TCF20: variants seen among roughly 807,000 people sequenced by gnomAD.
The protein encoded by TCF20 is transcription factor 20.
TCF20 carries 3 observed loss-of-function variants against 148.6 expected under a neutral mutation model. That is an observed-to-expected ratio of 0.02 (90% CI 0.01 to 0.05). The LOEUF (loss-of-function observed/expected upper bound fraction) is 0.05. TCF20 is among the 10% of genes least tolerant of loss of function. The pLI, the probability that TCF20 is intolerant of heterozygous loss-of-function variation, is 1.00. For missense variants in TCF20, 2,350 were observed against 2,429.3 expected, an observed-to-expected ratio of 0.97 and a Z score of 0.69; for synonymous variants, 1,049 against 909.5, an observed-to-expected ratio of 1.15 and a Z score of -2.76.
At chr22:42,174,454 C>T (rs1936317065) in intron 3 of TCF20, among the ~76,000 whole-genome samples, 1 of 152,286 alleles carries the variant, frequency 6.6e-6, no homozygotes, top group Admixed American at 6.5e-5. Flanking sequence ...GTGGCACCGG[C>T]CTGTCAGCAC....
Position 42,212,779 on chromosome 22 carries a change from T to C in TCF20, c.2527A>G (p.Arg843Gly). The part of the protein sequence containing the change: ...QINLTDYPIP[R>G]KFEIEPQSSA... ...GACTGAGGCTCTATTTCAAACTTTC[T>C]GGGAATTGGATAGTCAGTCAAATTG... is the stretch of plus-strand genomic sequence containing the variant. Residue 843 changes from arginine (R) to glycine (G), a missense_variant, in exon 2 of 6, where the codon AGA (arginine) becomes GGA (glycine). Arg to Gly is a moderately radical substitution (Grantham distance 125). Coordinates refer to ENST00000677622, the MANE Select transcript of TCF20 (RefSeq NM_001378418.1). The C allele has an allele frequency of 1.2e-6, 2 of 1,614,222 alleles. No individual in the cohort carries two copies. Among genetic ancestry groups the C allele is most frequent in the Non-Finnish European group, 8.5e-7 (1 of 1,180,028 alleles).
intron 3 of TCF20, among the ~76,000 whole-genome samples, chr22:42,174,847 A>G (rs547451301): frequency 3.9e-5 from 6 of 152,086 alleles, no homozygotes; most frequent in South Asian, 2.1e-4. Context: ...CATCCCGGCT[A>G]ACACGGTGAA....
At chr22:42,268,827 G>A (rs900436611) in intron 1 of TCF20, among the ~76,000 whole-genome samples, 2 of 152,204 alleles carry the variant, frequency 1.3e-5, no homozygotes, top group Admixed American at 6.5e-5. Context: ...TCAAAAAAGA[G>A]CGTACCCTGA....
chr22:42,281,681 G>T (rs1028891801), intron 1 of TCF20, among the ~76,000 whole-genome samples: 12 of 152,260 alleles, frequency 7.9e-5, no homozygotes, highest in African/African-American at 2.9e-4. Flanking sequence ...TCAGGGAAAA[G>T]ATTTCTGTGG....
upstream of TCF20, among the ~76,000 whole-genome samples, chr22:42,273,472 A>G (rs1926698311): frequency 6.6e-6 from 1 of 151,932 alleles, no homozygotes; most frequent in South Asian, 2.1e-4. Flanking sequence ...CTGAGGCTCA[A>G]ACAGGTTAAG....
intron 2 of TCF20, among the ~76,000 whole-genome samples, chr22:42,181,194 C>CTTTTTTTTTTTT (rs909516479): frequency 6.6e-6 from 1 of 152,102 alleles, no homozygotes; most frequent in African/African-American, 2.4e-5. Flanking sequence ...CTGCCACTTT[C>CTTTTTTTTTTTT]TTTTTTTGAG....
At chr22:42,201,094 C>T (rs1361617483) in intron 2 of TCF20, among the ~76,000 whole-genome samples, 2 of 152,148 alleles carry the variant, frequency 1.3e-5, no homozygotes, top group African/African-American at 2.4e-5. Context: ...TGCAACACCT[C>T]GCACCTCACT....
intron 2 of TCF20, among the ~76,000 whole-genome samples, chr22:42,181,820 C>A (rs1936790275): frequency 6.6e-6 from 1 of 152,128 alleles, no homozygotes; most frequent in Non-Finnish European, 1.5e-5. Context: ...CTATGTTGCC[C>A]AGGCTGTCCT....
intron 1 of TCF20, among the ~76,000 whole-genome samples, chr22:42,253,642 A>C (rs1054583370): frequency 4.6e-5 from 7 of 152,232 alleles, no homozygotes; most frequent in Non-Finnish European, 1.0e-4. Context: ...TGATTTTGAA[A>C]GCAAGTTGAT....
intron 1 of TCF20, among the ~76,000 whole-genome samples, chr22:42,282,641 GCCC>G (rs1252417193): frequency 6.6e-6 from 1 of 152,250 alleles, no homozygotes; most frequent in Non-Finnish European, 1.5e-5. Flanking sequence ...ACCTCAGGCT[GCCC>G]AGGCTAAGAG....
intron 1 of TCF20, among the ~76,000 whole-genome samples, chr22:42,315,859 A>C (rs900925479): frequency 5.3e-5 from 8 of 152,198 alleles, no homozygotes; most frequent in African/African-American, 1.9e-4. Flanking sequence ...CACGCCTGTA[A>C]TCCCAGCACT....
At chr22:42,218,498 C>T (rs1240464554) in intron 1 of TCF20, among the ~76,000 whole-genome samples, 1 of 152,046 alleles carries the variant, frequency 6.6e-6, no homozygotes, top group African/African-American at 2.4e-5. Context: ...TGCCAGTGGC[C>T]TTCTCTAGAT....
intron 2 of TCF20, among the ~76,000 whole-genome samples, chr22:42,205,571 C>A (rs1938329397): frequency 6.6e-6 from 1 of 152,138 alleles, no homozygotes; most frequent in Non-Finnish European, 1.5e-5. Flanking sequence ...CTGCTAAAAC[C>A]TAGTAAGATA....
intron 5 of TCF20, 50 bp from the exon 6 acceptor site, chr22:42,161,408 A>G: frequency 6.2e-7 from 1 of 1,613,174 alleles, no homozygotes; most frequent in Non-Finnish European, 8.5e-7. Flanking sequence ...CACAGGGTCC[A>G]CCACCAACAG....
intron 5 of TCF20, among the ~76,000 whole-genome samples, chr22:42,165,161 C>T (rs549189110): frequency 1.3e-5 from 2 of 152,320 alleles, no homozygotes; most frequent in East Asian, 1.9e-4. Flanking sequence ...GGAGGTGTAA[C>T]CCTGGACTGC....
At chr22:42,236,144 C>T (rs1923863239) in intron 1 of TCF20, among the ~76,000 whole-genome samples, 1 of 152,140 alleles carries the variant, frequency 6.6e-6, no homozygotes, top group African/African-American at 2.4e-5. Flanking sequence ...CCACTGCACA[C>T]TCCAGCCTGG....
At chr22:42,168,767 C>G in intron 4 of TCF20, 31 bp from the exon 5 acceptor site, 1 of 1,591,394 alleles carries the variant, frequency 6.3e-7, no homozygotes, top group Non-Finnish European at 8.6e-7. Flanking sequence ...AGGAGACAGA[C>G]AGGTGGGAGA....
intron 1 of TCF20, among the ~76,000 whole-genome samples, chr22:42,341,331 C>A (rs932330927): frequency 6.6e-6 from 1 of 152,174 alleles, no homozygotes; most frequent in Non-Finnish European, 1.5e-5. Flanking sequence ...TGGCGCTCGG[C>A]CAGAGGGCCT....
chr22:42,324,005 CGGAGGTTAT>C (rs1927806539), intron 1 of TCF20, among the ~76,000 whole-genome samples: 1 of 3,906 alleles, frequency 2.6e-4, no homozygotes, highest in African/African-American at 1.6e-3. Context: ...GAGGTGGTGG[CGGAGGTTAT>C]GGTGGTGGTG....
Sources: allele counts gnomAD v4.1 joint callset (sites outside exome capture counted in the v4.1 genomes callset), GRCh38; gene constraint gnomAD v4.1.1; transcripts MANE v1.5; gene names NCBI Gene and HGNC (gene_info 2026-07-23, HGNC 2026-07-21).